The following FHIT variants were observed in gnomAD, a reference collection of about 807,000 sequenced individuals.
FHIT encodes the protein fragile histidine triad diadenosine triphosphatase.
Under a neutral mutation model 17.9 loss-of-function variants are expected in FHIT, and 19 were observed. The ratio of observed to expected loss-of-function variants is 1.06; its 90% CI spans 0.74 to 1.56. The LOEUF (loss-of-function observed/expected upper bound fraction) is 1.56. Among genes scored for constraint, FHIT ranks in the 40% most tolerant of loss-of-function variants. The probability of loss-of-function intolerance (pLI) is 0.00; values close to 1 mark genes in which losing one functional copy is unlikely to be tolerated. For synonymous variants in FHIT, 81 were observed against 69.7 expected (o/e 1.16, Z -0.81); for missense variants, 248 against 189.2 (o/e 1.31, Z -1.82).
intron 4 of FHIT, among the ~76,000 whole-genome samples, chr3:60,768,769 G>A (rs569507104): frequency 3.1e-4 from 47 of 152,318 alleles, no homozygotes; most frequent in African/African-American, 1.1e-3. Context: ...AAGTGATGAG[G>A]TCAGAGAATG....
chr3:60,897,326 T>C lies in FHIT; in HGVS notation c.-110-75315A>G, dbSNP rs77621995. Among the ~76,000 whole-genome samples, 491 of 152,292 alleles carry C rather than the reference T, an allele frequency of 3.2e-3. 5 individuals are homozygous for C. The highest frequency in any genetic ancestry group is 0.011 in the African/African-American group (471 of 41,550). ...AGGTCTTTGCTGCTTTTCTATCGGA[T>C]TTATGGTCTCTTTAGTCTCCTCAAC... On this transcript the variant is annotated intron_variant, in intron 3 of 9. Coordinates refer to ENST00000492590, the MANE Select transcript of FHIT (RefSeq NM_002012.4).
chr3:60,175,740 C>T (rs1701640595), intron 5 of FHIT, among the ~76,000 whole-genome samples: 1 of 152,082 alleles, frequency 6.6e-6, no homozygotes, highest in Admixed American at 6.6e-5. Flanking sequence ...ATTAGGATAT[C>T]ACCAACAAAT....
rs746429162 is a variant in FHIT, at chr3:59,752,329, G to GA, written c.349-9dup. 753 of 1,569,374 alleles carry GA rather than the reference G, an allele frequency of 4.8e-4. 1 individual carries two copies. Among genetic ancestry groups the GA allele is most frequent in the Middle Eastern group, 6.8e-4 (4 of 5,894 alleles). ...CTTGTCATGTTTCTGGAGCTTTGGA[G>GA]AAAAAAAAAGGAAGAGGCTCTTTCA... On this transcript the variant is annotated splice_polypyrimidine_tract_variant and intron_variant, in intron 8 of 9. Coordinates refer to ENST00000492590, the MANE Select transcript of FHIT (RefSeq NM_002012.4).
intron 3 of FHIT, among the ~76,000 whole-genome samples, chr3:60,961,788 C>A (rs1157466777): frequency 1.3e-5 from 2 of 152,056 alleles, no homozygotes; most frequent in African/African-American, 4.8e-5. Context: ...ATTGGCCTAT[C>A]TCTCTGTTTT....
chr3:60,458,723 AGT>A (rs1458924890), intron 5 of FHIT, among the ~76,000 whole-genome samples: 1 of 152,102 alleles, frequency 6.6e-6, no homozygotes, highest in Non-Finnish European at 1.5e-5. Flanking sequence ...CTGATACAGG[AGT>A]CATACATCAT....
intron 4 of FHIT, among the ~76,000 whole-genome samples, chr3:60,590,824 C>T (rs568081691): frequency 1.1e-4 from 16 of 152,040 alleles, no homozygotes; most frequent in Non-Finnish European, 2.1e-4. Flanking sequence ...ATGACTTAAA[C>T]GCAAAGGGAC....
chr3:60,556,868 G>T (rs2036759082), intron 4 of FHIT, among the ~76,000 whole-genome samples: 1 of 152,206 alleles, frequency 6.6e-6, no homozygotes, highest in African/African-American at 2.4e-5. Flanking sequence ...TCAGGGCAAA[G>T]GATGCTCTCT....
intron 5 of FHIT, among the ~76,000 whole-genome samples, chr3:60,441,492 T>C (rs922833675): frequency 6.6e-6 from 1 of 151,658 alleles, no homozygotes; most frequent in African/African-American, 2.4e-5. Context: ...AACTTCTCCT[T>C]GAACAACTGT....
chr3:60,572,275 C>A (rs957680705), intron 4 of FHIT, among the ~76,000 whole-genome samples: 10 of 152,058 alleles, frequency 6.6e-5, no homozygotes, highest in African/African-American at 2.2e-4. Flanking sequence ...CACACTCATA[C>A]ACACATATAT....
intron 5 of FHIT, among the ~76,000 whole-genome samples, chr3:60,505,476 A>G (rs1185085333): frequency 6.6e-6 from 1 of 152,180 alleles, no homozygotes; most frequent in Non-Finnish European, 1.5e-5. Flanking sequence ...TTTTCCCTAA[A>G]ACTTCTTTTA....
intron 3 of FHIT, among the ~76,000 whole-genome samples, chr3:61,019,029 A>G (rs1283561430): frequency 6.6e-6 from 1 of 152,230 alleles, no homozygotes; most frequent in Non-Finnish European, 1.5e-5. Flanking sequence ...ACATTAAAAG[A>G]CAATTTCTGA....
intron 8 of FHIT, among the ~76,000 whole-genome samples, chr3:59,874,734 G>A (rs979992550): frequency 1.3e-5 from 2 of 151,966 alleles, no homozygotes; most frequent in Admixed American, 6.5e-5. Flanking sequence ...GCCTGTGCTG[G>A]GCACCATGCT....
At chr3:60,727,406 A>C (rs1273036828) in intron 4 of FHIT, among the ~76,000 whole-genome samples, 1 of 152,216 alleles carries the variant, frequency 6.6e-6, no homozygotes, top group Non-Finnish European at 1.5e-5. Context: ...TAGGGAAGCC[A>C]GAGCAGCTAT....
chr3:60,981,438 G>A (rs111866147), intron 3 of FHIT, among the ~76,000 whole-genome samples: 1,966 of 151,804 alleles, frequency 0.013, 42 homozygotes, highest in African/African-American at 0.044. Flanking sequence ...CCGAGTAGCT[G>A]GGACTACAGG....
At chr3:60,615,774 A>G (rs1323270719) in intron 4 of FHIT, among the ~76,000 whole-genome samples, 1 of 152,254 alleles carries the variant, frequency 6.6e-6, no homozygotes, top group Non-Finnish European at 1.5e-5. Context: ...TTATTCAAAT[A>G]AAATATGATT....
At chr3:60,730,884 A>G (rs1488074950) in intron 4 of FHIT, among the ~76,000 whole-genome samples, 3 of 151,632 alleles carry the variant, frequency 2.0e-5, no homozygotes, top group African/African-American at 7.3e-5. Flanking sequence ...TGGGAGGCTG[A>G]GGCAGGTGGA....
chr3:60,249,005 A>C (rs1705548597), intron 5 of FHIT, among the ~76,000 whole-genome samples: 1 of 152,164 alleles, frequency 6.6e-6, no homozygotes, highest in Admixed American at 6.5e-5. Flanking sequence ...CCACAATTGC[A>C]TCTTTTCAGT....
At chr3:60,499,950 G>T (rs1559494903) in intron 5 of FHIT, among the ~76,000 whole-genome samples, 1 of 151,986 alleles carries the variant, frequency 6.6e-6, no homozygotes, top group African/African-American at 2.4e-5. Flanking sequence ...TACATTTATG[G>T]GTTTCATCTT....
intron 4 of FHIT, among the ~76,000 whole-genome samples, chr3:60,647,342 C>A (rs1205276092): frequency 1.3e-5 from 2 of 152,152 alleles, no homozygotes; most frequent in Non-Finnish European, 2.9e-5. Context: ...AGACTTTTCT[C>A]CAAAGTTACA....
Sources: gnomAD v4.1 joint callset for allele counts (sites outside exome capture counted in the v4.1 genomes callset) on GRCh38, gnomAD v4.1.1 for gene constraint, MANE v1.5 for transcripts, NCBI Gene and HGNC (gene_info 2026-07-23, HGNC 2026-07-21) for gene names.